PAK5: variants seen among roughly 807,000 people sequenced by gnomAD.
The protein encoded by PAK5 is p21 (RAC1) activated kinase 5, also known as serine/threonine-protein kinase PAK 5.
A neutral mutation model predicts 65.9 loss-of-function variants in PAK5; 16 were observed. The ratio of observed to expected loss-of-function variants is 0.24; its 90% CI spans 0.16 to 0.37. PAK5 has a LOEUF of 0.37. Among genes scored for constraint, PAK5 ranks in the 10% least tolerant of loss-of-function variants. The pLI, the probability that PAK5 is intolerant of heterozygous loss-of-function variation, is 1.00. For missense variants in PAK5, 785 were observed against 903.9 expected (o/e 0.87, Z 1.69); for synonymous variants, 371 against 354.9 (o/e 1.05, Z -0.51).
intron 3 of PAK5, among the ~76,000 whole-genome samples, chr20:9,589,700 C>T (rs180805108): frequency 6.6e-6 from 1 of 152,216 alleles, no homozygotes; most frequent in African/African-American, 2.4e-5. Flanking sequence ...GATGGAGTTT[C>T]ACCTTTGTTG....
intron 1 of PAK5, among the ~76,000 whole-genome samples, chr20:9,747,941 C>T (rs1230795743): frequency 4.7e-5 from 7 of 149,544 alleles, no homozygotes; most frequent in East Asian, 2.0e-4. Context: ...AAAACCCCAT[C>T]GTCTCAGCCC....
chr20:9,832,333 C>A (rs1259189490), intron 1 of PAK5, among the ~76,000 whole-genome samples: 1 of 151,974 alleles, frequency 6.6e-6, no homozygotes, highest in Non-Finnish European at 1.5e-5. Context: ...AGTGCAGTAA[C>A]GCGATCTCGG....
intron 4 of PAK5, among the ~76,000 whole-genome samples, chr20:9,568,476 G>A (rs1255888134): frequency 2.0e-5 from 3 of 152,146 alleles, no homozygotes; most frequent in Admixed American, 1.3e-4. Flanking sequence ...CTTGTGGGGT[G>A]TGATAATCAG....
At chr20:9,815,609 C>A (rs536113775) in intron 1 of PAK5, among the ~76,000 whole-genome samples, 1 of 152,160 alleles carries the variant, frequency 6.6e-6, no homozygotes, top group African/African-American at 2.4e-5. Context: ...GGTTATAATT[C>A]TCTGTGTTCT....
At chr20:9,810,059 C>G (rs2049280203) in intron 1 of PAK5, among the ~76,000 whole-genome samples, 1 of 152,076 alleles carries the variant, frequency 6.6e-6, no homozygotes, top group Non-Finnish European at 1.5e-5. Context: ...TTATTTTTGT[C>G]AGAGTTAAGT....
intron 7 of PAK5, among the ~76,000 whole-genome samples, chr20:9,549,599 C>A (rs1027486650): frequency 2.6e-5 from 4 of 152,166 alleles, no homozygotes; most frequent in Admixed American, 2.6e-4. Context: ...TTGGCCATAC[C>A]CCGTGTGAAA....
intron 2 of PAK5, among the ~76,000 whole-genome samples, chr20:9,658,370 C>T (rs1017237409): frequency 6.6e-6 from 1 of 152,288 alleles, no homozygotes; most frequent in East Asian, 1.9e-4. Context: ...CACATGGACT[C>T]TCATCTTTCA....
intron 8 of PAK5, among the ~76,000 whole-genome samples, chr20:9,543,176 C>T (rs1224606194): frequency 6.6e-6 from 1 of 152,150 alleles, no homozygotes; most frequent in Admixed American, 6.5e-5. Flanking sequence ...TATTAATTTG[C>T]TTTTAAAAAT....
intron 2 of PAK5, among the ~76,000 whole-genome samples, chr20:9,660,485 T>G (rs6039539): frequency 0.68 from 103,100 of 150,748 alleles, 35,488 homozygotes; most frequent in Non-Finnish European, 0.75. Flanking sequence ...GGGGCTCTCA[T>G]GATAGGAGAG....
At chr20:9,706,357 T>G (rs1045115681) in intron 2 of PAK5, among the ~76,000 whole-genome samples, 1 of 152,200 alleles carries the variant, frequency 6.6e-6, no homozygotes, top group African/African-American at 2.4e-5. Flanking sequence ...CACAGTCACA[T>G]GCTGAAAAGT....
At chr20:9,544,124 C>T (rs963568570) in intron 8 of PAK5, among the ~76,000 whole-genome samples, 1 of 152,158 alleles carries the variant, frequency 6.6e-6, no homozygotes, top group African/African-American at 2.4e-5. Context: ...GTGACTTTCC[C>T]ACAGTGTCCA....
Position 9,566,118 on chromosome 20 carries a change from G to A in PAK5, c.1257C>T (p.Ser419=), listed in dbSNP as rs150937522. Residue 419 remains serine, a synonymous_variant, in exon 5 of 10, where the codon TCC becomes TCT. Transcript: ENST00000353224. The part of the protein sequence containing the change: ...STYPPPSWGS[S]SDQQPSRVSH... ...ACACCCTGGAGGGCTGCTGGTCGGA[G>A]GAGGAGCCCCAGCTGGGCGGCGGGT... 7.4e-6 allele frequency: 12 copies of A among 1,613,810 alleles called. No individual in the cohort carries two copies. In the African/African-American group the frequency reaches 1.6e-4, roughly 22 times the overall value.
At chr20:9,734,680 A>G (rs1476636877) in intron 1 of PAK5, among the ~76,000 whole-genome samples, 1 of 152,188 alleles carries the variant, frequency 6.6e-6, no homozygotes, top group Non-Finnish European at 1.5e-5. Flanking sequence ...TGATGCTTTC[A>G]GAAATGTTAA....
chr20:9,566,562 G>A (rs1415973774), intron 4 of PAK5, among the ~76,000 whole-genome samples, 178 bp from the exon 5 acceptor site: 1 of 151,932 alleles, frequency 6.6e-6, no homozygotes, highest in Admixed American at 6.6e-5. Context: ...TGTGGTGCAC[G>A]TGCACCACAG....
At chr20:9,542,532 T>A in intron 9 of PAK5, 54 bp downstream of exon 9, 5 of 1,590,642 alleles carry the variant, frequency 3.1e-6, no homozygotes, top group Non-Finnish European at 4.3e-6. Flanking sequence ...ACCAGAGAGA[T>A]ACAGGAAAAT....
chr20:9,705,468 G>T (rs1331543257), intron 2 of PAK5, among the ~76,000 whole-genome samples: 1 of 152,142 alleles, frequency 6.6e-6, no homozygotes, highest in Non-Finnish European at 1.5e-5. Context: ...ACCACTTGTT[G>T]GGAGTGTAAA....
intron 1 of PAK5, among the ~76,000 whole-genome samples, chr20:9,824,887 C>T (rs956555599): frequency 6.6e-5 from 10 of 152,214 alleles, no homozygotes; most frequent in Admixed American, 2.6e-4. Context: ...GATATGCCTC[C>T]TCATGGTACA....
intron 1 of PAK5, among the ~76,000 whole-genome samples, chr20:9,784,707 C>T (rs937093974): frequency 6.6e-6 from 1 of 151,702 alleles, no homozygotes; most frequent in Non-Finnish European, 1.5e-5. Context: ...ATAGGAACCT[C>T]ATTGCAGGAG....
chr20:9,666,420 A>T (rs1019483047), intron 2 of PAK5, among the ~76,000 whole-genome samples: 2 of 138,618 alleles, frequency 1.4e-5, no homozygotes, highest in Non-Finnish European at 3.0e-5. Flanking sequence ...AAAGCACAAC[A>T]ACAGCAAAAG....
Sources: allele counts gnomAD v4.1 joint callset (sites outside exome capture counted in the v4.1 genomes callset), GRCh38; gene constraint gnomAD v4.1.1; transcripts MANE v1.5; gene names NCBI Gene and HGNC (gene_info 2026-07-23, HGNC 2026-07-21).